Variants in WWOX observed in about 807,000 individuals in gnomAD.
The protein encoded by WWOX is WW domain containing oxidoreductase.
WWOX carries 69 observed loss-of-function variants against 46.2 expected under a neutral mutation model. The observed-to-expected ratio is 1.49, with a 90% confidence interval of 1.23 to 1.82. The LOEUF (loss-of-function observed/expected upper bound fraction) is 1.82, where lower values mean the gene tolerates loss of function less well. WWOX is among the 40% of genes most tolerant of loss of function. The probability of loss-of-function intolerance (pLI) is 0.00; values close to 1 mark genes in which losing one functional copy is unlikely to be tolerated. For missense variants in WWOX, 919 were observed against 542.6 expected (o/e 1.69, Z -6.89); for synonymous variants, 359 against 202.6 (o/e 1.77, Z -6.56).
intron 6 of WWOX, among the ~76,000 whole-genome samples, chr16:78,400,617 C>T (rs2082390173): frequency 6.6e-6 from 1 of 151,878 alleles, no homozygotes; most frequent in East Asian, 1.9e-4. Context: ...CTCTTACCAT[C>T]CTAAGGAGGG....
rs566737774 is a variant in WWOX, at chr16:78,410,070, C to T, written c.606-14800C>T. Among the ~76,000 whole-genome samples the T allele has an allele frequency of 2.6e-5, 4 of 152,258 alleles. No individual in the cohort carries two copies. The East Asian group carries it at 7.7e-4, about 29-fold the overall frequency. ...CCTCATGCATGACTTACGGCCATCC[C>T]TTTGGTGATAAGTGAGTTCACATGA... On this transcript the variant is annotated intron_variant, in intron 6 of 8. Coordinates refer to ENST00000566780, the MANE Select transcript of WWOX (RefSeq NM_016373.4).
chr16:78,490,611 T>C (rs2084758741), intron 8 of WWOX, among the ~76,000 whole-genome samples: 1 of 152,152 alleles, frequency 6.6e-6, no homozygotes. Flanking sequence ...AGAGACCAAA[T>C]GAAACAAACG....
intron 8 of WWOX, among the ~76,000 whole-genome samples, chr16:79,201,350 T>TTC (rs2051347727): frequency 6.8e-6 from 1 of 147,330 alleles, no homozygotes; most frequent in African/African-American, 2.5e-5. Context: ...TTTCTTTTTT[T>TTC]TTTTTTTTTT....
At chr16:79,048,670 G>C (rs932787175) in intron 8 of WWOX, among the ~76,000 whole-genome samples, 8 of 152,064 alleles carry the variant, frequency 5.3e-5, no homozygotes, top group Non-Finnish European at 1.2e-4. Context: ...GCTTATTTGA[G>C]TAAATTAAAC....
At chr16:78,868,248 C>G (rs546953283) in intron 8 of WWOX, among the ~76,000 whole-genome samples, 93 of 152,260 alleles carry the variant, frequency 6.1e-4, no homozygotes, top group African/African-American at 2.2e-3. Flanking sequence ...ACTTCAAAAA[C>G]ATTACGCTAA....
At chr16:79,075,802 G>A (rs1289255443) in intron 8 of WWOX, among the ~76,000 whole-genome samples, 6 of 151,932 alleles carry the variant, frequency 3.9e-5, no homozygotes, top group Non-Finnish European at 8.8e-5. Context: ...TTACATACAT[G>A]GTGTACATAT....
At chr16:79,110,686 G>A (rs1318448911) in intron 8 of WWOX, 1 of 152,134 alleles carries the variant, frequency 6.6e-6, no homozygotes, top group African/African-American at 2.4e-5. Context: ...CTTGTAGTCA[G>A]GGAAATGAAG....
At chr16:79,019,850 T>C (rs1490070142) in intron 8 of WWOX, among the ~76,000 whole-genome samples, 3 of 152,150 alleles carry the variant, frequency 2.0e-5, no homozygotes, top group Non-Finnish European at 2.9e-5. Flanking sequence ...TAGCTGGTGA[T>C]TTCAGGCTAG....
At chr16:78,479,483 A>G (rs1349748852) in intron 8 of WWOX, among the ~76,000 whole-genome samples, 1 of 152,200 alleles carries the variant, frequency 6.6e-6, no homozygotes, top group Non-Finnish European at 1.5e-5. Flanking sequence ...TTTAGATGCA[A>G]ATATGGTAGT....
In WWOX at chr16:79,185,203, C is replaced by T. The variant is rs150389606; in HGVS notation, c.1057-26405C>T. Among the ~76,000 whole-genome samples the T allele has an allele frequency of 3.8e-3, 583 of 152,252 alleles. 5 individuals are homozygous for T. Among genetic ancestry groups the T allele is most frequent in the South Asian group, 0.015 (72 of 4,810 alleles). ...TTTCTTTTCTCCTAGTTTCAGAATA[C>T]TTGGACTTACAGTCCCAAATAGCAT... On this transcript the variant is annotated intron_variant, in intron 8 of 8. Coordinates refer to ENST00000566780, the MANE Select transcript of WWOX (RefSeq NM_016373.4).
At position 78,763,594 on chromosome 16, in the gene WWOX, G is replaced by T. The variant is rs185185509; in HGVS notation, c.1056+330842G>T. Reference sequence around the variant, plus strand: ...GATTCTTAAGGTATTTTTCACTGCCGAGTTGCTGTCATTGAAACAAAATCT... The same window carrying T: ...GATTCTTAAGGTATTTTTCACTGCCTAGTTGCTGTCATTGAAACAAAATCT... On this transcript the variant is annotated intron_variant, in intron 8 of 8. Transcript: ENST00000566780. Among the ~76,000 whole-genome samples, 107 of 152,232 alleles carry T rather than the reference G, an allele frequency of 7.0e-4. No individual in the cohort carries two copies. The Middle Eastern group carries it at 0.01, about 15-fold the overall frequency.
At chr16:78,573,787 A>AAC (rs2044778925) in intron 8 of WWOX, among the ~76,000 whole-genome samples, 1 of 152,178 alleles carries the variant, frequency 6.6e-6, no homozygotes, top group African/African-American at 2.4e-5. Flanking sequence ...TCTCCACTTG[A>AAC]ACACACTTCA....
intron 8 of WWOX, among the ~76,000 whole-genome samples, chr16:78,709,035 T>C (rs1256685083): frequency 1.3e-5 from 2 of 152,096 alleles, no homozygotes; most frequent in Admixed American, 1.3e-4. Flanking sequence ...AACGTGAAAA[T>C]AAATTGGCCC....
At chr16:78,315,994 C>T (rs2080349357) in intron 5 of WWOX, among the ~76,000 whole-genome samples, 2 of 151,850 alleles carry the variant, frequency 1.3e-5, no homozygotes, top group Admixed American at 1.3e-4. Context: ...ACCTGTAATC[C>T]CAGCACTTTG....
chr16:78,915,258 A>G (rs2045220705), intron 8 of WWOX, among the ~76,000 whole-genome samples: 1 of 152,186 alleles, frequency 6.6e-6, no homozygotes, highest in South Asian at 2.1e-4. Flanking sequence ...TTACATGACC[A>G]TTCCAGTCAT....
At chr16:78,625,386 C>G (rs897491331) in intron 8 of WWOX, among the ~76,000 whole-genome samples, 4 of 152,198 alleles carry the variant, frequency 2.6e-5, no homozygotes, top group African/African-American at 4.8e-5. Flanking sequence ...CACCCCCACA[C>G]AATCCACAAC....
At chr16:78,711,109 T>C (rs562929757) in intron 8 of WWOX, among the ~76,000 whole-genome samples, 9 of 152,326 alleles carry the variant, frequency 5.9e-5, no homozygotes, top group Non-Finnish European at 1.2e-4. Flanking sequence ...ACACGTTTCT[T>C]TAAAGCCTGC....
intron 5 of WWOX, among the ~76,000 whole-genome samples, chr16:78,319,840 CTT>C (rs376044883): frequency 1.7e-4 from 26 of 152,228 alleles, no homozygotes; most frequent in African/African-American, 6.0e-4. Flanking sequence ...GGAAGCAAAA[CTT>C]TTACTCTTCA....
At chr16:79,150,730 C>T (rs1318673867) in intron 8 of WWOX, among the ~76,000 whole-genome samples, 1 of 152,164 alleles carries the variant, frequency 6.6e-6, no homozygotes, top group Non-Finnish European at 1.5e-5. Flanking sequence ...CACCCTGGAA[C>T]TCCTGGACTC....
Sources: gnomAD v4.1 joint callset for allele counts (sites outside exome capture counted in the v4.1 genomes callset) on GRCh38, gnomAD v4.1.1 for gene constraint, MANE v1.5 for transcripts, NCBI Gene and HGNC (gene_info 2026-07-23, HGNC 2026-07-21) for gene names.